Variants in RBPJ observed in about 807,000 individuals in gnomAD.
RBPJ encodes recombining binding protein suppressor of hairless.
RBPJ carries 9 observed loss-of-function variants against 67.8 expected under a neutral mutation model. The observed-to-expected ratio is 0.13, with a 90% CI of 0.08 to 0.23. The LOEUF (loss-of-function observed/expected upper bound fraction) is 0.23. RBPJ is among the 10% of genes least tolerant of loss of function. The pLI, the probability that RBPJ is intolerant of heterozygous loss-of-function variation, is 1.00. For synonymous variants in RBPJ, 198 were observed against 203.3 expected (o/e 0.97, Z 0.22); for missense variants, 305 against 595.6 (o/e 0.51, Z 5.08).
chr4:26,121,138 C>T, the RBPJ span, among the ~76,000 whole-genome samples: 1 of 151,626 alleles, frequency 6.6e-6, no homozygotes, highest in African/African-American at 2.4e-5. Flanking sequence ...TCAAAATTTT[C>T]AGAAAATGAT....
At chr4:26,351,623 C>T (rs558174445) in intron 1 of RBPJ, among the ~76,000 whole-genome samples, 5 of 152,336 alleles carry the variant, frequency 3.3e-5, no homozygotes, top group East Asian at 1.9e-4. Context: ...TCAAGTCTTC[C>T]GCCTGCCTTG....
intron 1 of RBPJ, among the ~76,000 whole-genome samples, chr4:26,308,891 G>T (rs879273273): frequency 6.6e-6 from 1 of 152,182 alleles, no homozygotes; most frequent in Admixed American, 6.5e-5. Context: ...GGCCAGAGAA[G>T]AAAATAAAGG....
At chr4:26,372,447 G>A (rs1367108136) in intron 1 of RBPJ, among the ~76,000 whole-genome samples, 1 of 152,146 alleles carries the variant, frequency 6.6e-6, no homozygotes, top group African/African-American at 2.4e-5. Flanking sequence ...TTGACGTAGG[G>A]CGATTGACTA....
chr4:26,416,606 T>G (rs746208492), intron 4 of RBPJ, among the ~76,000 whole-genome samples: 1 of 152,258 alleles, frequency 6.6e-6, no homozygotes, highest in East Asian at 1.9e-4. Flanking sequence ...TCCTTGCTAC[T>G]GTACTTTGGA....
intron 1 of RBPJ, among the ~76,000 whole-genome samples, chr4:26,281,919 T>C (rs1221707533): frequency 6.6e-6 from 1 of 152,224 alleles, no homozygotes; most frequent in Non-Finnish European, 1.5e-5. Context: ...TGTTCTAATA[T>C]AACACTCCTA....
chr4:26,286,089 GA>G (rs1256851883), intron 1 of RBPJ, among the ~76,000 whole-genome samples: 1 of 152,250 alleles, frequency 6.6e-6, no homozygotes, highest in African/African-American at 2.4e-5. Flanking sequence ...GCGGCAGAGT[GA>G]AAGCTTAGGC....
chr4:26,425,014 G>T, intron 7 of RBPJ: 1 of 437,334 alleles, frequency 2.3e-6, no homozygotes, highest in Non-Finnish European at 4.0e-6. Flanking sequence ...TTTCCTTTTT[G>T]GCTGTTTATC....
Position 26,305,925 on chromosome 4 carries a change from G to A in RBPJ, c.-166-56521G>A, listed in dbSNP as rs528992354. Among the ~76,000 whole-genome samples the A allele has an allele frequency of 1.3e-4, 20 of 151,564 alleles. No homozygotes were observed. The South Asian group carries it at 3.5e-3, about 27-fold the overall frequency. Reference sequence around the variant, plus strand: ...CTCCCAAGTAGCTGGGACTACAGGCGTGTGCCACTGCCCTTGGCTAATTTT... The same window carrying A: ...CTCCCAAGTAGCTGGGACTACAGGCATGTGCCACTGCCCTTGGCTAATTTT... On this transcript the variant is annotated intron_variant, in intron 1 of 4. Transcript: ENST00000512351.
At chr4:26,332,498 AT>A (rs1325810717) in intron 1 of RBPJ, among the ~76,000 whole-genome samples, 1 of 152,138 alleles carries the variant, frequency 6.6e-6, no homozygotes, top group Non-Finnish European at 1.5e-5. Flanking sequence ...CATTTATTTA[AT>A]TTTTAGCTTG....
At chr4:26,382,914 T>C (rs2109612050) in intron 1 of RBPJ, among the ~76,000 whole-genome samples, 1 of 152,342 alleles carries the variant, frequency 6.6e-6, no homozygotes, top group East Asian at 1.9e-4. Context: ...ATTCTTTCCA[T>C]ACTCCAATAT....
intron 1 of RBPJ, among the ~76,000 whole-genome samples, chr4:26,255,607 C>A (rs1404674975): frequency 6.7e-6 from 1 of 149,184 alleles, no homozygotes; most frequent in East Asian, 2.0e-4. Flanking sequence ...TCGAGACCAT[C>A]CTGGCTAACA....
intron 3 of RBPJ, among the ~76,000 whole-genome samples, chr4:26,411,828 C>T (rs1734046768): frequency 6.6e-6 from 1 of 151,950 alleles, no homozygotes; most frequent in African/African-American, 2.4e-5. Flanking sequence ...CATTTATGGG[C>T]CAGGCGCGGT....
chr4:26,278,186 T>C (rs1461366884), intron 1 of RBPJ, among the ~76,000 whole-genome samples: 1 of 152,218 alleles, frequency 6.6e-6, no homozygotes, highest in Non-Finnish European at 1.5e-5. Context: ...TTCATATTCA[T>C]CTTCAATTTT....
chr4:26,431,985 A>G lies in RBPJ; in HGVS notation c.*978A>G, dbSNP rs1736281402. On this transcript the variant is annotated 3_prime_UTR_variant, in exon 11 of 11. Coordinates refer to ENST00000355476, the MANE Select transcript of RBPJ (RefSeq NM_015874.6). ...TCCCCTTTTCCCATGACGTAAATACATAGGTGTGTTCCAGGATTTGTTCAG... is the reference window on the plus strand; with the variant it reads ...TCCCCTTTTCCCATGACGTAAATACGTAGGTGTGTTCCAGGATTTGTTCAG... 1 of 152,238 alleles carries G rather than the reference A, an allele frequency of 6.6e-6. No homozygotes were observed. The highest frequency in any genetic ancestry group is 6.5e-5 in the Admixed American group (1 of 15,272). 9.4% of individuals were successfully genotyped at this position (152,238 alleles called of 1,614,324 possible).
In RBPJ at chr4:26,264,490, A is replaced by C. The variant is rs1358693751; in HGVS notation, c.-166-97956A>C. Among the ~76,000 whole-genome samples, 1 of 151,832 alleles carries C rather than the reference A, an allele frequency of 6.6e-6. No individual in the cohort carries two copies. Among genetic ancestry groups the C allele is most frequent in the African/African-American group, 2.4e-5 (1 of 41,304 alleles). On this transcript the variant is annotated intron_variant, in intron 1 of 4. Coordinates refer to the RBPJ transcript ENST00000512351. This position sits in a 1 kb window ranked among gnomAD's most constrained non-coding sequence, Gnocchi z 4.1. ...GATCCTTCCATTTTCTTTAAAATGG[A>C]GTTTCTTTCAAATTCTTCAATGGTC...
At chr4:26,182,837 CATT>C (rs1016287512) in intron 1 of RBPJ, among the ~76,000 whole-genome samples, 1 of 152,176 alleles carries the variant, frequency 6.6e-6, no homozygotes, top group Non-Finnish European at 1.5e-5. Flanking sequence ...GACACACACA[CATT>C]AGCATAGGCC....
chr4:26,135,447 G>A, the RBPJ span, among the ~76,000 whole-genome samples: 1 of 152,064 alleles, frequency 6.6e-6, no homozygotes. Flanking sequence ...ACCCTGTGAG[G>A]CAGATGAGGC....
intron 1 of RBPJ, 68 bp from the exon 2 acceptor site, chr4:26,386,285 G>A: frequency 1.8e-6 from 2 of 1,115,538 alleles, no homozygotes; most frequent in South Asian, 1.4e-5. Context: ...TATGATGCCT[G>A]AAAAGCTTTC....
At chr4:26,232,138 C>T (rs933934644) in intron 1 of RBPJ, among the ~76,000 whole-genome samples, 3 of 151,848 alleles carry the variant, frequency 2.0e-5, no homozygotes, top group African/African-American at 7.3e-5. Flanking sequence ...TCAAATGATC[C>T]AACCTCCTCA....
Sources: gnomAD v4.1 joint callset for allele counts (sites outside exome capture counted in the v4.1 genomes callset) on GRCh38, gnomAD v4.1.1 for gene constraint, Gnocchi (gnomAD v3.1) non-coding constraint, MANE v1.5 for transcripts, NCBI Gene and HGNC (gene_info 2026-07-23, HGNC 2026-07-21) for gene names.